Variants in TXNDC12 observed in about 807,000 individuals in gnomAD.
The protein encoded by TXNDC12 is thioredoxin domain containing 12.
Under a neutral mutation model 24.2 loss-of-function variants are expected in TXNDC12, and 22 were observed. That is an observed-to-expected ratio of 0.91 (90% CI 0.65 to 1.30). The LOEUF (loss-of-function observed/expected upper bound fraction) is 1.30, where lower values mean the gene tolerates loss of function less well. Ranked by LOEUF, TXNDC12 falls within the 50% of genes most tolerant of loss-of-function variation. TXNDC12 has a pLI of 0.00. For missense variants in TXNDC12, 184 were observed against 205.8 expected (o/e 0.89, Z 0.65); for synonymous variants, 58 against 73.4 (o/e 0.79, Z 1.07).
Position 52,027,228 on chromosome 1 carries a change from A to C in TXNDC12, c.285+47T>G, listed in dbSNP as rs190391858. On this transcript the variant is annotated intron_variant, in intron 4 of 6. Transcript: ENST00000371626. Reference sequence around the variant, plus strand: ...AATATGCACGAATGATACTAACTTTAAAAGTCTTAAAATCATAGCAGAAAG... The same window carrying C: ...AATATGCACGAATGATACTAACTTTCAAAGTCTTAAAATCATAGCAGAAAG... The C allele has an allele frequency of 5.8e-5, 84 of 1,439,688 alleles. No homozygotes were observed. The African/African-American group carries it at 1.0e-3, about 18-fold the overall frequency. The allele number at this position is 1,439,688 out of a possible 1,614,324, so 89.2% of individuals were successfully genotyped here. A position where few individuals can be genotyped will look rare whatever the true frequency, so the allele number is the denominator to read the frequency against.
At chr1:52,023,246 T>C in intron 6 of TXNDC12, 1 of 383,036 alleles carries the variant, frequency 2.6e-6, no homozygotes, top group African/African-American at 2.1e-5. Context: ...TATGGGCAAG[T>C]GACTACCTCA....
intron 1 of TXNDC12, among the ~76,000 whole-genome samples, chr1:52,053,213 A>T (rs1686253386): frequency 6.6e-6 from 1 of 151,972 alleles, no homozygotes; most frequent in Non-Finnish European, 1.5e-5. Flanking sequence ...CAGTAAGCCG[A>T]GATTGCACCA....
intron 2 of TXNDC12, chr1:52,032,893 T>G: frequency 1.2e-6 from 2 of 1,613,246 alleles, no homozygotes; most frequent in Admixed American, 3.3e-5. Context: ...GACAGCGCTC[T>G]TCTGCGCTTC....
At chr1:52,049,149 T>A (rs1686153128) in intron 1 of TXNDC12, among the ~76,000 whole-genome samples, 1 of 152,126 alleles carries the variant, frequency 6.6e-6, no homozygotes, top group African/African-American at 2.4e-5. Flanking sequence ...ACCCTCTTAT[T>A]TTACTGAGGC....
chr1:52,033,567 G>A (rs778845741), intron 2 of TXNDC12: 1 of 1,613,766 alleles, frequency 6.2e-7, no homozygotes, highest in Admixed American at 1.7e-5. Flanking sequence ...GCCGTTCCAC[G>A]GAGGCTCGCA....
chr1:52,024,096 T>C (rs574386666), intron 5 of TXNDC12, among the ~76,000 whole-genome samples: 3 of 151,914 alleles, frequency 2.0e-5, no homozygotes, highest in South Asian at 2.1e-4. Context: ...CCAGGCTCAA[T>C]TGATCCTCCC....
intron 4 of TXNDC12, among the ~76,000 whole-genome samples, chr1:52,026,771 C>T (rs1003103061): frequency 3.9e-5 from 6 of 152,054 alleles, no homozygotes; most frequent in Non-Finnish European, 8.8e-5. Flanking sequence ...CGCGGTGGCT[C>T]ACATCTGTAA....
intron 1 of TXNDC12, among the ~76,000 whole-genome samples, chr1:52,044,850 C>T (rs1253053360): frequency 6.6e-6 from 1 of 151,874 alleles, no homozygotes; most frequent in Non-Finnish European, 1.5e-5. Flanking sequence ...TGGTGCAAGC[C>T]AATAGTCCCA....
intron 1 of TXNDC12, among the ~76,000 whole-genome samples, chr1:52,054,594 G>A (rs1276274945): frequency 1.3e-5 from 2 of 152,210 alleles, no homozygotes; most frequent in Non-Finnish European, 2.9e-5. Context: ...AGCTCTTCGC[G>A]GAAGAAGTAA....
intron 2 of TXNDC12, among the ~76,000 whole-genome samples, chr1:52,030,871 AAATT>A (rs1162236426): frequency 2.0e-5 from 3 of 152,224 alleles, no homozygotes; most frequent in African/African-American, 7.2e-5. Flanking sequence ...TGATATGTTA[AAATT>A]AATTGTAATT....
At chr1:52,045,294 G>T (rs1286196936) in intron 1 of TXNDC12, among the ~76,000 whole-genome samples, 2 of 152,140 alleles carry the variant, frequency 1.3e-5, no homozygotes, top group Non-Finnish European at 2.9e-5. Context: ...TTGTAACAGT[G>T]AAACTATTCT....
In TXNDC12 at chr1:52,020,925, C is replaced by G. The variant is rs2124354308; in HGVS notation, c.*8G>C. On this transcript the variant is annotated 3_prime_UTR_variant, in exon 7 of 7. Transcript: ENST00000371626. ...ACTAACTCTGATGAAAGAAGGGGCA[C>G]ATTCATGTTACAATTCATCTTCAAG... is the stretch of plus-strand genomic sequence containing the variant. 1 of 1,610,118 alleles carries G rather than the reference C, an allele frequency of 6.2e-7. No individual in the cohort carries two copies. The highest frequency in any genetic ancestry group is 2.2e-5 in the East Asian group (1 of 44,864).
Position 52,023,478 on chromosome 1 carries a change from A to G in TXNDC12, c.439+13T>C. 6.2e-7 allele frequency: 1 copy of G among 1,606,872 alleles called. No homozygotes were observed. The highest frequency in any genetic ancestry group is 8.5e-7 in the Non-Finnish European group (1 of 1,173,458). Reference sequence around the variant, plus strand: ...TCTAGCAATAATCCTCCCTCCCTTCAGCATAACTATACCTTGCTCGGCACT... The same window carrying G: ...TCTAGCAATAATCCTCCCTCCCTTCGGCATAACTATACCTTGCTCGGCACT... On this transcript the variant is annotated intron_variant, in intron 6 of 6. Coordinates refer to ENST00000371626, the MANE Select transcript of TXNDC12 (RefSeq NM_015913.4).
At chr1:52,035,569 C>T (rs1486225504) in intron 2 of TXNDC12, among the ~76,000 whole-genome samples, 8 of 151,968 alleles carry the variant, frequency 5.3e-5, no homozygotes, top group Admixed American at 5.2e-4. Flanking sequence ...AAAAATTAGT[C>T]GGGTGGGGTA....
chr1:52,024,200 G>A (rs1433367995), intron 5 of TXNDC12, among the ~76,000 whole-genome samples: 1 of 152,012 alleles, frequency 6.6e-6, no homozygotes, highest in Non-Finnish European at 1.5e-5. Context: ...TCACCGTGTT[G>A]CCCATGCTGG....
intron 1 of TXNDC12, 89 bp from the exon 2 acceptor site, chr1:52,041,686 TAAG>T: frequency 1.2e-6 from 1 of 828,656 alleles, no homozygotes; most frequent in Non-Finnish European, 1.9e-6. Flanking sequence ...AGATACCCAC[TAAG>T]AAGGTTTTCT....
chr1:52,051,749 A>C (rs1012408790), intron 1 of TXNDC12: 23 of 169,278 alleles, frequency 1.4e-4, no homozygotes, highest in Non-Finnish European at 1.9e-4. Context: ...AAAACAGTAG[A>C]GATCATTCAG....
At chr1:52,028,747 A>G (rs1298983217) in intron 2 of TXNDC12, 117 bp from the exon 3 acceptor site, 1 of 784,116 alleles carries the variant, frequency 1.3e-6, no homozygotes, top group East Asian at 2.7e-5. Flanking sequence ...AAATCTTTAG[A>G]CAAATGTTCA....
At chr1:52,039,333 AT>A (rs35253267) in intron 2 of TXNDC12, among the ~76,000 whole-genome samples, 8,077 of 145,748 alleles carry the variant, frequency 0.055, 259 homozygotes, top group East Asian at 0.13. Flanking sequence ...TAAGAGATTA[AT>A]TTTTTTTTTT....
Sources: gnomAD v4.1 joint callset for allele counts (sites outside exome capture counted in the v4.1 genomes callset) on GRCh38, gnomAD v4.1.1 for gene constraint, MANE v1.5 for transcripts, NCBI Gene and HGNC (gene_info 2026-07-23, HGNC 2026-07-21) for gene names.